KALRN: variants seen among roughly 807,000 people sequenced by gnomAD.
KALRN encodes kalirin.
Under a neutral mutation model 353.7 loss-of-function variants are expected in KALRN, and 70 were observed. That is an observed-to-expected ratio of 0.20 (90% CI 0.16 to 0.24). The LOEUF (loss-of-function observed/expected upper bound fraction) is 0.24. KALRN is among the 10% of genes least tolerant of loss of function. The pLI is 1.00. For synonymous variants in KALRN, 1,391 were observed against 1,434.8 expected, an observed-to-expected ratio of 0.97 and a Z score of 0.69; for missense variants, 2,791 against 3,756.7, an observed-to-expected ratio of 0.74 and a Z score of 6.72.
chr3:124,310,278 G>GA (rs999876037), intron 6 of KALRN, among the ~76,000 whole-genome samples: 9 of 151,770 alleles, frequency 5.9e-5, no homozygotes, highest in Non-Finnish European at 8.8e-5. Context: ...ACAAATAAAT[G>GA]AAAAAAAATC....
At chr3:124,297,559 T>C (rs1192860153) in intron 5 of KALRN, among the ~76,000 whole-genome samples, 1 of 152,160 alleles carries the variant, frequency 6.6e-6, no homozygotes, top group African/African-American at 2.4e-5. Context: ...TCCTAACCAT[T>C]TTTCTCTTCC....
intron 1 of KALRN, among the ~76,000 whole-genome samples, chr3:124,034,030 C>T (rs945639606): frequency 1.3e-5 from 2 of 152,172 alleles, no homozygotes; most frequent in African/African-American, 4.8e-5. Context: ...CGCGCCCCTC[C>T]GCCTTCACCC....
Position 124,347,408 on chromosome 3 carries a change from G to GTGTGT in KALRN, c.1770+143_1770+144insTGTGT. ...GTGTGTGTGTGTGTGTGTGTGTCTA[G>GTGTGT]ATGAGGGAGACCAGGGCTGTGGCTT... is the stretch of plus-strand genomic sequence containing the variant. On this transcript the variant is annotated intron_variant, in intron 10 of 59. Transcript: ENST00000682506. The GTGTGT allele has an allele frequency of 3.0e-6, 3 of 1,008,654 alleles. No individual in the cohort carries two copies. In the South Asian group the frequency reaches 7.2e-5, roughly 24 times the overall value. 62.5% of individuals were successfully genotyped at this position (1,008,654 alleles called of 1,614,324 possible). A position where few individuals can be genotyped will look rare whatever the true frequency, so the allele number is the denominator to read the frequency against.
At chr3:124,514,486 A>G (rs1175605028) in intron 33 of KALRN, among the ~76,000 whole-genome samples, 1 of 152,208 alleles carries the variant, frequency 6.6e-6, no homozygotes, top group Non-Finnish European at 1.5e-5. Flanking sequence ...ACTAACAGTA[A>G]CCACTGCCTT....
At chr3:124,662,003 C>A (rs2084934618) in intron 45 of KALRN, 75 bp downstream of exon 45, 2 of 1,201,918 alleles carry the variant, frequency 1.7e-6, no homozygotes, top group African/African-American at 1.5e-5. Flanking sequence ...GCTTCCTCCC[C>A]CTGAAGCCTT....
intron 2 of KALRN, among the ~76,000 whole-genome samples, chr3:124,231,713 T>TA (rs1346788471): frequency 5.1e-5 from 6 of 117,092 alleles, no homozygotes; most frequent in Non-Finnish European, 1.0e-4. Context: ...AGAACTTTAT[T>TA]TTTTTTTTTT....
chr3:124,439,928 T>C (rs1195591478), intron 18 of KALRN, among the ~76,000 whole-genome samples: 2 of 152,252 alleles, frequency 1.3e-5, no homozygotes, highest in African/African-American at 2.4e-5. Flanking sequence ...TTTCTGGGAA[T>C]AGAAGAGACA....
At chr3:124,320,979 T>A (rs1202645675) in intron 6 of KALRN, among the ~76,000 whole-genome samples, 1 of 152,226 alleles carries the variant, frequency 6.6e-6, no homozygotes, top group East Asian at 1.9e-4. Flanking sequence ...TTTTTTTGCC[T>A]CTTGTTGGAA....
intron 1 of KALRN, among the ~76,000 whole-genome samples, chr3:124,142,994 C>CT (rs375016199): frequency 7.7e-4 from 115 of 148,790 alleles, no homozygotes; most frequent in African/African-American, 1.8e-3. Context: ...ACTGTGATGG[C>CT]TTTTTTTTTT....
At chr3:124,058,323 G>A (rs2041729090) in intron 1 of KALRN, among the ~76,000 whole-genome samples, 1 of 152,140 alleles carries the variant, frequency 6.6e-6, no homozygotes. Flanking sequence ...TGATAACAGA[G>A]CTGCCTATAT....
intron 33 of KALRN, among the ~76,000 whole-genome samples, chr3:124,523,537 T>C (rs1443832860): frequency 6.6e-6 from 1 of 152,164 alleles, no homozygotes; most frequent in Non-Finnish European, 1.5e-5. Flanking sequence ...CAAAGGCAAA[T>C]AGAAAAGACA....
intron 1 of KALRN, among the ~76,000 whole-genome samples, chr3:124,048,159 CT>C (rs1457067930): frequency 6.6e-6 from 1 of 152,060 alleles, no homozygotes; most frequent in Non-Finnish European, 1.5e-5. Context: ...GCCAATTGAC[CT>C]TTATATGGGG....
intron 35 of KALRN, among the ~76,000 whole-genome samples, chr3:124,633,643 G>A (rs1324612830): frequency 6.6e-6 from 1 of 151,114 alleles, no homozygotes; most frequent in Admixed American, 6.6e-5. Flanking sequence ...GGGGGTGTGT[G>A]TGTGTGTGTG....
chr3:124,580,384 G>GGGGGGGGT (rs1398227667), intron 34 of KALRN, among the ~76,000 whole-genome samples: 5 of 148,538 alleles, frequency 3.4e-5, no homozygotes, highest in Non-Finnish European at 7.4e-5. Flanking sequence ...GGGGAGGGGG[G>GGGGGGGGT]ACTCAGGCAG....
At chr3:124,615,947 G>A (rs1231405476) in intron 34 of KALRN, among the ~76,000 whole-genome samples, 2 of 152,196 alleles carry the variant, frequency 1.3e-5, no homozygotes, top group Non-Finnish European at 1.5e-5. Context: ...ACTTGGCACA[G>A]GTGGTTGGGA....
At chr3:124,093,218 A>G (rs1298173610) in intron 1 of KALRN, among the ~76,000 whole-genome samples, 1 of 152,062 alleles carries the variant, frequency 6.6e-6, no homozygotes, top group African/African-American at 2.4e-5. Flanking sequence ...ACCCTCTCTC[A>G]TCTTGGAGGT....
chr3:124,430,979 G>C (rs986280323), intron 16 of KALRN, among the ~76,000 whole-genome samples: 5 of 152,180 alleles, frequency 3.3e-5, no homozygotes, highest in Non-Finnish European at 5.9e-5. Flanking sequence ...CCTGGTATTA[G>C]AAAACAAGTA....
intron 57 of KALRN, among the ~76,000 whole-genome samples, chr3:124,710,692 G>A (rs2062847154): frequency 6.6e-6 from 1 of 152,210 alleles, no homozygotes; most frequent in Admixed American, 6.5e-5. Context: ...GGGAGGCTGA[G>A]GTTGGAGGAT....
chr3:124,040,638 G>T (rs76546360), intron 1 of KALRN, among the ~76,000 whole-genome samples: 2,976 of 152,234 alleles, frequency 0.02, 91 homozygotes, highest in African/African-American at 0.066. Context: ...CACTAACTAG[G>T]GATAGGATCT....
Sources: gnomAD v4.1 joint callset for allele counts (sites outside exome capture counted in the v4.1 genomes callset) on GRCh38, gnomAD v4.1.1 for gene constraint, MANE v1.5 for transcripts, NCBI Gene and HGNC (gene_info 2026-07-23, HGNC 2026-07-21) for gene names.